Variants in ABLIM2 observed in about 807,000 individuals in gnomAD.
ABLIM2 encodes the protein actin-binding LIM protein 2.
A neutral mutation model predicts 97.7 loss-of-function variants in ABLIM2; 53 were observed. The ratio of observed to expected loss-of-function variants is 0.54; its 90% CI spans 0.44 to 0.68. ABLIM2 has a LOEUF of 0.68. Ranked by LOEUF, ABLIM2 falls within the 30% of genes least tolerant of loss-of-function variation. ABLIM2 has a pLI of 0.00. For missense variants in ABLIM2, 835 were observed against 867.2 expected, an observed-to-expected ratio of 0.96 and a Z score of 0.47; for synonymous variants, 361 against 345.8, an observed-to-expected ratio of 1.04 and a Z score of -0.49.
chr4:7,971,379 G>A (rs1727882482), intron 20 of ABLIM2, among the ~76,000 whole-genome samples: 1 of 152,180 alleles, frequency 6.6e-6, no homozygotes, highest in South Asian at 2.1e-4. Flanking sequence ...TGGAAGGAAG[G>A]AAGCCTGGGG....
intron 6 of ABLIM2, among the ~76,000 whole-genome samples, chr4:8,070,094 GTGTT>G (rs1810870208): frequency 6.6e-6 from 1 of 151,818 alleles, no homozygotes; most frequent in African/African-American, 2.4e-5. Flanking sequence ...GTCTTTCTGT[GTGTT>G]TGTGTGTCTG....
Position 8,149,404 on chromosome 4 carries a change from T to G in ABLIM2, c.10+9276A>C, listed in dbSNP as rs370138158. Among the ~76,000 whole-genome samples, 19 of 152,006 alleles carry G rather than the reference T, an allele frequency of 1.2e-4. No homozygotes were observed. In the South Asian group the frequency reaches 1.9e-3, roughly 15 times the overall value. On this transcript the variant is annotated intron_variant, in intron 1 of 20. Transcript: ENST00000447017. The surrounding 1 kb of genome is among the most constrained non-coding windows in gnomAD (Gnocchi z 6.4). ...CCCAACACCATCCAAGAGGAGGTAT[T>G]TCAGAGAGGGCAGGTCCCAGCTCCA...
At chr4:8,056,488 A>G (rs1184241917) in intron 7 of ABLIM2, among the ~76,000 whole-genome samples, 2 of 151,606 alleles carry the variant, frequency 1.3e-5, no homozygotes, top group Non-Finnish European at 2.9e-5. Flanking sequence ...TTTTGTAGAG[A>G]TGGGGTCTCA....
chr4:8,039,788 C>G (rs545238280), intron 9 of ABLIM2, among the ~76,000 whole-genome samples: 1 of 151,498 alleles, frequency 6.6e-6, no homozygotes, highest in Non-Finnish European at 1.5e-5. Flanking sequence ...AGAAGCGAGA[C>G]CTGAAGGGTA....
intron 1 of ABLIM2, among the ~76,000 whole-genome samples, chr4:8,129,069 T>C (rs1237938680): frequency 6.6e-6 from 1 of 151,022 alleles, no homozygotes; most frequent in Non-Finnish European, 1.5e-5. Context: ...CCCCCATAGG[T>C]TGTGCCCATC....
At chr4:7,975,846 T>C (rs1182190997) in intron 20 of ABLIM2, among the ~76,000 whole-genome samples, 2 of 152,208 alleles carry the variant, frequency 1.3e-5, no homozygotes, top group Non-Finnish European at 2.9e-5. Flanking sequence ...GTAGAGACCA[T>C]GAGCCCTTCA....
At position 8,001,004 on chromosome 4, in the gene ABLIM2, G is replaced by T. The variant is rs536169378; in HGVS notation, c.1618+7055C>A. Among the ~76,000 whole-genome samples the T allele has an allele frequency of 6.6e-6, 1 of 152,170 alleles. No homozygotes were observed. Among genetic ancestry groups the T allele is most frequent in the East Asian group, 1.9e-4 (1 of 5,186 alleles). ...GGTCTGCTTTGTGGGCACCTGACCCGTGAGCCACTCGCTTGGGCAGTTCCC... is the reference window on the plus strand; with the variant it reads ...GGTCTGCTTTGTGGGCACCTGACCCTTGAGCCACTCGCTTGGGCAGTTCCC... On this transcript the variant is annotated intron_variant, in intron 16 of 20. Transcript: ENST00000447017. This position sits in a 1 kb window ranked among gnomAD's most constrained non-coding sequence, Gnocchi z 4.2.
In ABLIM2 at chr4:8,097,262, C is replaced by T. The variant is rs766582946; in HGVS notation, c.175G>A (p.Glu59Lys). 1.9e-5 allele frequency: 29 copies of T among 1,564,658 alleles called. No homozygotes were observed. The highest frequency in any genetic ancestry group is 7.2e-5 in the East Asian group (3 of 41,592). The change falls in exon 3 of 21, where the codon GAG becomes AAG. Residue 59 changes from glutamate (E) to lysine (K), a missense_variant. By Grantham distance (56) the Glu-to-Lys change is moderately conservative (BLOSUM62 1). Transcript: ENST00000447017. ...CCCTGCCGCACGAAGAAGCCGCCCT[C>T]GGCCAGGTCGCAGCCACATGCTGGG... ...VCKACGCDLAEGGFFVRQGEY... is the reference protein window; with the variant it reads ...VCKACGCDLAKGGFFVRQGEY...
chr4:8,131,212 G>T (rs905939412), intron 1 of ABLIM2, among the ~76,000 whole-genome samples: 11 of 152,188 alleles, frequency 7.2e-5, no homozygotes, highest in African/African-American at 2.7e-4. Flanking sequence ...CTGAGGTGGG[G>T]CACAATTTCT....
At position 7,980,941 on chromosome 4, in the gene ABLIM2, A is replaced by ATCTTTTTTTTTTTTTTTTTTTTTTT. The variant is rs1483414043; in HGVS notation, c.1824+2322_1824+2323insAAAAAAAAAAAAAAAAAAAAAAAGA. Among the ~76,000 whole-genome samples, 52 of 82,986 alleles carry ATCTTTTTTTTTTTTTTTTTTTTTTT rather than the reference A, an allele frequency of 6.3e-4. 1 individual carries two copies. Among genetic ancestry groups the ATCTTTTTTTTTTTTTTTTTTTTTTT allele is most frequent in the Non-Finnish European group, 7.7e-4 (37 of 48,030 alleles). The allele number at this position is 82,986 out of a possible 152,430, so 54.4% of individuals were successfully genotyped here. A position where few individuals can be genotyped will look rare whatever the true frequency, so the allele number is the denominator to read the frequency against. Reference sequence around the variant, plus strand: ...AGAACCATGGTCTCCACAACCCCTTATTTTTTTTTTTTTTTTTTTTGAGAT... The same window carrying ATCTTTTTTTTTTTTTTTTTTTTTTT: ...AGAACCATGGTCTCCACAACCCCTTATCTTTTTTTTTTTTTTTTTTTTTTTTTTTTTTTTTTTTTTTTTTTGAGAT... On this transcript the variant is annotated intron_variant, in intron 20 of 20. Transcript: ENST00000447017.
chr4:8,011,560 T>C (rs1031087265), intron 14 of ABLIM2, among the ~76,000 whole-genome samples: 5 of 152,242 alleles, frequency 3.3e-5, no homozygotes, highest in African/African-American at 1.2e-4. Context: ...CCTGCATGGA[T>C]GCTGGAACAT....
intron 14 of ABLIM2, among the ~76,000 whole-genome samples, chr4:8,017,421 G>C (rs1770202344): frequency 6.6e-6 from 1 of 151,794 alleles, no homozygotes; most frequent in Non-Finnish European, 1.5e-5. Flanking sequence ...CGAGTAGCTG[G>C]GACTACAGGT....
At position 8,140,134 on chromosome 4, in the gene ABLIM2, A is replaced by G. The variant is rs550647428; in HGVS notation, c.10+18546T>C. On this transcript the variant is annotated intron_variant, in intron 1 of 20. Transcript: ENST00000447017. This position sits in a 1 kb window ranked among gnomAD's most constrained non-coding sequence, Gnocchi z 5.9. ...GGGGGGAGGGAGAGCATCAGGATAA[A>G]TAGCTAATGCACGCAGGGCTCAATA... Among the ~76,000 whole-genome samples, 1 of 151,624 alleles carries G rather than the reference A, an allele frequency of 6.6e-6. No homozygotes were observed. The highest frequency in any genetic ancestry group is 6.6e-5 in the Admixed American group (1 of 15,234).
intron 9 of ABLIM2, among the ~76,000 whole-genome samples, chr4:8,042,839 C>CAA (rs35649540): frequency 2.6e-3 from 162 of 62,342 alleles, no homozygotes; most frequent in African/African-American, 3.8e-3. Context: ...AACTCCAACT[C>CAA]AAAAAAAAAA....
Position 8,123,165 on chromosome 4 carries a change from G to A in ABLIM2, c.11-16528C>T, listed in dbSNP as rs1339619003. 6.6e-6 allele frequency among the ~76,000 whole-genome samples: 1 copy of A among 152,198 alleles called. No homozygotes were observed. The highest frequency in any genetic ancestry group is 2.1e-4 in the South Asian group (1 of 4,830). ...TCTGGACTCCTTAATCCTAATTGCG[G>A]TCCTCAGAGCATTCTTCCCTGGCAG... On this transcript the variant is annotated intron_variant, in intron 1 of 20. Transcript: ENST00000447017. This position sits in a 1 kb window ranked among gnomAD's most constrained non-coding sequence, Gnocchi z 6.2.
chr4:8,084,925 G>A (rs913938130), intron 4 of ABLIM2, among the ~76,000 whole-genome samples: 1 of 152,294 alleles, frequency 6.6e-6, no homozygotes, highest in South Asian at 2.1e-4. Flanking sequence ...ACTCTGCGAC[G>A]GCCGCCCTGT....
At chr4:8,135,440 G>A (rs1384222147) in intron 1 of ABLIM2, among the ~76,000 whole-genome samples, 9 of 152,318 alleles carry the variant, frequency 5.9e-5, no homozygotes, top group African/African-American at 9.6e-5. Flanking sequence ...TGAGGCCTTC[G>A]GAAGGTGATT....
chr4:7,977,825 T>TAAATAAATAAATAAAA (rs1379220404), intron 20 of ABLIM2, among the ~76,000 whole-genome samples: 3 of 151,260 alleles, frequency 2.0e-5, no homozygotes, highest in African/African-American at 4.9e-5. Flanking sequence ...AATAAATAAA[T>TAAATAAATAAATAAAA]AAAAGGTGGG....
intron 3 of ABLIM2, among the ~76,000 whole-genome samples, chr4:8,093,686 T>C (rs1250685621): frequency 1.3e-5 from 2 of 152,240 alleles, no homozygotes; most frequent in African/African-American, 4.8e-5. Context: ...TGTTGTTCTA[T>C]TGTCTCCTAG....
Sources: gnomAD v4.1 joint callset for allele counts (sites outside exome capture counted in the v4.1 genomes callset) on GRCh38, gnomAD v4.1.1 for gene constraint, Gnocchi (gnomAD v3.1) non-coding constraint, MANE v1.5 for transcripts, NCBI Gene and HGNC (gene_info 2026-07-23, HGNC 2026-07-21) for gene names.